Variants in ADAMTS12 observed in about 807,000 individuals in gnomAD.
ADAMTS12 encodes A disintegrin and metalloproteinase with thrombospondin motifs 12.
Under a neutral mutation model 167.8 loss-of-function variants are expected in ADAMTS12, and 118 were observed. The observed-to-expected ratio is 0.70, with a 90% CI of 0.61 to 0.82. The LOEUF (loss-of-function observed/expected upper bound fraction) is 0.82. ADAMTS12 is among the 40% of genes least tolerant of loss of function. The pLI, the probability that ADAMTS12 is intolerant of heterozygous loss-of-function variation, is 0.00. For synonymous variants in ADAMTS12, 704 were observed against 716.9 expected (o/e 0.98, Z 0.29); for missense variants, 1,916 against 1,998.8 (o/e 0.96, Z 0.79).
At chr5:33,702,987 G>A (rs1437049173) in intron 3 of ADAMTS12, among the ~76,000 whole-genome samples, 1 of 152,106 alleles carries the variant, frequency 6.6e-6, no homozygotes, top group Non-Finnish European at 1.5e-5. Flanking sequence ...TTCATCCACA[G>A]GTGGGGAGCA....
At chr5:33,635,487 G>A (rs1034168154) in intron 12 of ADAMTS12, among the ~76,000 whole-genome samples, 7 of 152,106 alleles carry the variant, frequency 4.6e-5, no homozygotes, top group African/African-American at 7.2e-5. Flanking sequence ...GAGGTCCTCC[G>A]AACCTATTAG....
chr5:33,597,527 T>C (rs1473480116), intron 16 of ADAMTS12, among the ~76,000 whole-genome samples: 1 of 152,172 alleles, frequency 6.6e-6, no homozygotes, highest in African/African-American at 2.4e-5. Flanking sequence ...CTCGCAGGAC[T>C]GACCTGGAAC....
intron 20 of ADAMTS12, among the ~76,000 whole-genome samples, chr5:33,550,939 C>A (rs1745229652): frequency 1.3e-5 from 2 of 152,098 alleles, no homozygotes; most frequent in South Asian, 2.1e-4. Flanking sequence ...CTAAAGAGAT[C>A]TCCAGTAATC....
intron 13 of ADAMTS12, among the ~76,000 whole-genome samples, chr5:33,625,863 A>C (rs1356984914): frequency 6.6e-6 from 1 of 152,220 alleles, no homozygotes; most frequent in African/African-American, 2.4e-5. Context: ...TGAAGACATA[A>C]ACCAGTCCTC....
intron 3 of ADAMTS12, among the ~76,000 whole-genome samples, chr5:33,685,055 G>A (rs889739827): frequency 6.6e-6 from 1 of 152,214 alleles, no homozygotes; most frequent in Non-Finnish European, 1.5e-5. Context: ...AAAGAAAGAA[G>A]CCTGGGCTGA....
intron 3 of ADAMTS12, among the ~76,000 whole-genome samples, chr5:33,705,974 A>C (rs1743188983): frequency 6.6e-6 from 1 of 152,174 alleles, no homozygotes; most frequent in South Asian, 2.1e-4. Flanking sequence ...AAGAAACTGA[A>C]GAGGACACAA....
chr5:33,641,878 G>T lies in ADAMTS12; in HGVS notation c.1650C>A (p.Pro550=), dbSNP rs1303443106. ...CACAGGTCCTGGAACAGTGGGACCA[G>T]GGTGACCAGCGGCCCCAGCCTCCAG... ...SIPGGWGRWS[P]WSHCSRTCGA... Residue 550 remains proline, a synonymous_variant, in exon 11 of 24, where the codon CCC becomes CCA. Coordinates refer to ENST00000504830, the MANE Select transcript of ADAMTS12 (RefSeq NM_030955.4). The T allele has an allele frequency of 1.1e-5, 18 of 1,613,724 alleles. No homozygotes were observed. The highest frequency in any genetic ancestry group is 1.4e-5 in the Non-Finnish European group (17 of 1,179,824).
intron 3 of ADAMTS12, among the ~76,000 whole-genome samples, chr5:33,693,188 T>C (rs141091442): frequency 2.6e-4 from 39 of 152,350 alleles, no homozygotes; most frequent in African/African-American, 9.4e-4. Context: ...GTTCTTCCCA[T>C]ACTCCCAGAT....
chr5:33,713,389 T>A (rs1743479548), intron 3 of ADAMTS12, among the ~76,000 whole-genome samples: 1 of 3,556 alleles, frequency 2.8e-4, no homozygotes, highest in Non-Finnish European at 1.0e-3. Context: ...TAGTTTTAAC[T>A]TCCTCCTTCA....
intron 2 of ADAMTS12, among the ~76,000 whole-genome samples, chr5:33,852,954 G>T (rs531702546): frequency 6.6e-6 from 1 of 152,168 alleles, no homozygotes; most frequent in Non-Finnish European, 1.5e-5. Flanking sequence ...TTAGTCAGGG[G>T]TCTAGAACTT....
At chr5:33,871,370 T>C (rs1750032351) in intron 2 of ADAMTS12, among the ~76,000 whole-genome samples, 1 of 152,100 alleles carries the variant, frequency 6.6e-6, no homozygotes, top group South Asian at 2.1e-4. Context: ...ATTACCCTGA[T>C]ACCAAAATCA....
chr5:33,689,584 T>C (rs1421927647), intron 3 of ADAMTS12, among the ~76,000 whole-genome samples: 1 of 152,120 alleles, frequency 6.6e-6, no homozygotes, highest in African/African-American at 2.4e-5. Context: ...TGCTTCTTTA[T>C]ATAACTCAGA....
chr5:33,724,985 G>A (rs9292510), intron 3 of ADAMTS12, among the ~76,000 whole-genome samples: 1,694 of 152,178 alleles, frequency 0.011, 30 homozygotes, highest in African/African-American at 0.039. Flanking sequence ...GTCTTGAAAT[G>A]GCCCAGCTCA....
At position 33,576,144 on chromosome 5, in the gene ADAMTS12, A is replaced by C. The variant is rs550863790; in HGVS notation, c.3882T>G (p.Ile1294Met). The C allele has an allele frequency of 1.3e-5, 21 of 1,614,176 alleles. No homozygotes were observed. In the African/African-American group the frequency reaches 2.1e-4, roughly 16 times the overall value. Residue 1294 changes from isoleucine to methionine, a missense_variant, in exon 19 of 24, where the codon ATT (isoleucine) becomes ATG (methionine). Coordinates refer to ENST00000504830, the MANE Select transcript of ADAMTS12 (RefSeq NM_030955.4). ...VLTEEDATSL[I>M]TEGFLLNASN... ...AGGCATTTAGCAAAAAGCCCTCAGT[A>C]ATCAGACTTGTTGCATCCTCCTCAG...
intron 3 of ADAMTS12, among the ~76,000 whole-genome samples, chr5:33,693,553 C>T (rs1345671234): frequency 6.6e-6 from 1 of 152,044 alleles, no homozygotes. Flanking sequence ...TCTGTTTGAA[C>T]TAAAAACAAA....
rs1005164285 is a variant in ADAMTS12, at chr5:33,524,606, C to T, written c.*2582G>A. The T allele has an allele frequency of 1.3e-5, 2 of 152,178 alleles. No individual in the cohort carries two copies. The highest frequency in any genetic ancestry group is 2.9e-5 in the Non-Finnish European group (2 of 68,034). 9.4% of individuals were successfully genotyped at this position (152,178 alleles called of 1,614,324 possible). A position where few individuals can be genotyped will look rare whatever the true frequency, so the allele number is the denominator to read the frequency against. On this transcript the variant is annotated 3_prime_UTR_variant, in exon 24 of 24. Transcript: ENST00000504830. ...GCAGGTTCCTGTCTTCAGAGTCTTC[C>T]TGTTGATCTGAGTCCCCTCTTGTAC...
At chr5:33,738,265 G>C (rs2112365598) in intron 3 of ADAMTS12, among the ~76,000 whole-genome samples, 1 of 152,048 alleles carries the variant, frequency 6.6e-6, no homozygotes, top group East Asian at 1.9e-4. Flanking sequence ...AGGAGCGAGA[G>C]TGGAAAAACT....
chr5:33,602,392 G>A (rs2112055127), intron 16 of ADAMTS12, among the ~76,000 whole-genome samples: 1 of 152,254 alleles, frequency 6.6e-6, no homozygotes, highest in East Asian at 1.9e-4. Flanking sequence ...TAAACTATAT[G>A]ATCCTCATTC....
chr5:33,596,103 C>G, intron 16 of ADAMTS12, 43 bp from the exon 17 acceptor site: 1 of 1,607,818 alleles, frequency 6.2e-7, no homozygotes, highest in African/African-American at 1.3e-5. Context: ...GAATCCTGAG[C>G]CCACATGCTC....
Sources: gnomAD v4.1 joint callset for allele counts (sites outside exome capture counted in the v4.1 genomes callset) on GRCh38, gnomAD v4.1.1 for gene constraint, MANE v1.5 for transcripts, NCBI Gene and HGNC (gene_info 2026-07-23, HGNC 2026-07-21) for gene names.